WWOX: variants seen among roughly 807,000 people sequenced by gnomAD.
WWOX encodes WW domain containing oxidoreductase, also known as WW domain-containing oxidoreductase.
A neutral mutation model predicts 46.2 loss-of-function variants in WWOX; 69 were observed. That is an observed-to-expected ratio of 1.49 (90% CI 1.23 to 1.82). The LOEUF (loss-of-function observed/expected upper bound fraction) is 1.82, where lower values mean the gene tolerates loss of function less well. Ranked by LOEUF, WWOX falls within the 40% of genes most tolerant of loss-of-function variation. The pLI is 0.00. For synonymous variants in WWOX, 359 were observed against 202.6 expected, an observed-to-expected ratio of 1.77 and a Z score of -6.56; for missense variants, 919 against 542.6, an observed-to-expected ratio of 1.69 and a Z score of -6.89.
chr16:78,322,371 T>G (rs944936970), intron 5 of WWOX, among the ~76,000 whole-genome samples: 8 of 152,208 alleles, frequency 5.3e-5, no homozygotes, highest in African/African-American at 1.9e-4. Flanking sequence ...AAGTTTTTCT[T>G]AAGGAAATAG....
intron 4 of WWOX, among the ~76,000 whole-genome samples, chr16:78,149,460 A>G (rs1323064786): frequency 6.6e-6 from 1 of 152,236 alleles, no homozygotes; most frequent in African/African-American, 2.4e-5. Context: ...AATATCAAGT[A>G]AAAGAGAAGA....
At chr16:78,798,059 TCTC>T (rs2050790288) in intron 8 of WWOX, among the ~76,000 whole-genome samples, 1 of 152,118 alleles carries the variant, frequency 6.6e-6, no homozygotes, top group African/African-American at 2.4e-5. Context: ...AATCCAGTCT[TCTC>T]CTTTTGTTTC....
At chr16:78,597,598 A>G (rs2045520729) in intron 8 of WWOX, among the ~76,000 whole-genome samples, 1 of 152,090 alleles carries the variant, frequency 6.6e-6, no homozygotes. Flanking sequence ...GAAACCTTCA[A>G]ATTAACCTCA....
chr16:78,213,419 G>C (rs555332559), intron 5 of WWOX, among the ~76,000 whole-genome samples: 8 of 151,932 alleles, frequency 5.3e-5, no homozygotes, highest in Admixed American at 1.3e-4. Flanking sequence ...ATTGGTGAAA[G>C]CAAGGCAATG....
intron 6 of WWOX, among the ~76,000 whole-genome samples, chr16:78,392,499 T>C (rs554199501): frequency 1.3e-5 from 2 of 152,138 alleles, no homozygotes; most frequent in Non-Finnish European, 2.9e-5. Context: ...GTCATCTGCT[T>C]GAATCGTCCC....
At chr16:78,396,456 C>G (rs2082289734) in intron 6 of WWOX, among the ~76,000 whole-genome samples, 1 of 152,184 alleles carries the variant, frequency 6.6e-6, no homozygotes, top group Non-Finnish European at 1.5e-5. Context: ...TCACTATCAT[C>G]TTTCATGAAA....
intron 8 of WWOX, among the ~76,000 whole-genome samples, chr16:78,971,875 C>T (rs2046477652): frequency 6.6e-6 from 1 of 152,128 alleles, no homozygotes; most frequent in Admixed American, 6.5e-5. Flanking sequence ...ACCTCAGTTT[C>T]CTCATCAGCA....
rs114963538 is a variant in WWOX, at chr16:78,105,842, C to T, written c.108-2581C>T. Among the ~76,000 whole-genome samples the T allele has an allele frequency of 2.8e-3, 423 of 152,156 alleles. 4 individuals are homozygous for T. Among genetic ancestry groups the T allele is most frequent in the African/African-American group, 8.6e-3 (359 of 41,514 alleles). On this transcript the variant is annotated intron_variant, in intron 1 of 8. Coordinates refer to ENST00000566780, the MANE Select transcript of WWOX (RefSeq NM_016373.4). ...TTTTAGGTTGAGTCTTGCTTTTTCG[C>T]CCAGGCTGGACTGCAGTGGCGTGAT...
At chr16:79,035,021 ACT>A (rs1312911163) in intron 8 of WWOX, among the ~76,000 whole-genome samples, 5 of 151,960 alleles carry the variant, frequency 3.3e-5, no homozygotes, top group Admixed American at 2.6e-4. Flanking sequence ...AATATTGCTG[ACT>A]CTTTTAACTT....
chr16:78,866,539 A>G (rs1214126585), intron 8 of WWOX, among the ~76,000 whole-genome samples: 1 of 152,148 alleles, frequency 6.6e-6, no homozygotes, highest in Non-Finnish European at 1.5e-5. Context: ...AGCTATCGAT[A>G]AAAGCTAATG....
intron 8 of WWOX, among the ~76,000 whole-genome samples, chr16:78,578,253 T>TA (rs1452018487): frequency 1.9e-4 from 9 of 46,228 alleles, no homozygotes; most frequent in East Asian, 8.9e-4. Context: ...CATACCAAAT[T>TA]TTATATATAT....
chr16:79,020,301 G>A (rs191697789), intron 8 of WWOX, among the ~76,000 whole-genome samples: 9 of 152,174 alleles, frequency 5.9e-5, no homozygotes, highest in Admixed American at 5.9e-4. Context: ...TTCTTAGGGA[G>A]GTGACTTTTT....
chr16:78,199,310 CTCAAACAA>C (rs576888588), intron 5 of WWOX, among the ~76,000 whole-genome samples: 23 of 124,320 alleles, frequency 1.9e-4, no homozygotes, highest in African/African-American at 5.1e-4. Context: ...GAGACTCCAT[CTCAAACAA>C]ACAAACAAAC....
intron 8 of WWOX, among the ~76,000 whole-genome samples, chr16:78,439,284 G>T (rs575601474): frequency 5.9e-5 from 9 of 152,268 alleles, no homozygotes; most frequent in African/African-American, 9.6e-5. Flanking sequence ...CCTTTCTCTT[G>T]CCAGTCCAGA....
In WWOX at chr16:78,266,788, T is replaced by TTCTCTCTCTTTCTCTCTCTC. The variant is rs767644576; in HGVS notation, c.516+102508_516+102509insTTCTCTCTCTCTCTCTCTCT. On this transcript the variant is annotated intron_variant, in intron 5 of 8. Coordinates refer to ENST00000566780, the MANE Select transcript of WWOX (RefSeq NM_016373.4). ...GATAAATGCAAGTTCTATTCTTCTA[T>TTCTCTCTCTTTCTCTCTCTC]TCTCTCTCTCTCTCTCTCTCTCTCT... Among the ~76,000 whole-genome samples, 7 of 115,532 alleles carry TTCTCTCTCTTTCTCTCTCTC rather than the reference T, an allele frequency of 6.1e-5. 1 individual carries two copies. Among genetic ancestry groups the TTCTCTCTCTTTCTCTCTCTC allele is most frequent in the Non-Finnish European group, 1.2e-4 (7 of 56,646 alleles). 75.8% of individuals were successfully genotyped at this position (115,532 alleles called of 152,430 possible).
At chr16:78,977,547 G>A (rs1036554917) in intron 8 of WWOX, among the ~76,000 whole-genome samples, 4 of 152,136 alleles carry the variant, frequency 2.6e-5, no homozygotes, top group African/African-American at 9.7e-5. Context: ...TTGTCTGGGG[G>A]AGTCGCTTAA....
At chr16:78,322,616 C>T (rs1344287362) in intron 5 of WWOX, among the ~76,000 whole-genome samples, 2 of 152,216 alleles carry the variant, frequency 1.3e-5, no homozygotes, top group Admixed American at 6.5e-5. Context: ...TGAATTAAAT[C>T]TTCTGAAGCA....
At position 78,930,563 on chromosome 16, in the gene WWOX, TCACAGGCATAGGCTGCTGCAC is replaced by T. The variant is rs368059034; in HGVS notation, c.1057-281042_1057-281022del. Among the ~76,000 whole-genome samples, 222 of 149,590 alleles carry T rather than the reference TCACAGGCATAGGCTGCTGCAC, an allele frequency of 1.5e-3. 5 individuals are homozygous for T. Among genetic ancestry groups the T allele is most frequent in the East Asian group, 6.8e-3 (34 of 4,982 alleles). ...GCCTCAGCCTCCCAAAGTGCTGGGA[TCACAGGCATAGGCTGCTGCAC>T]CAGGCAAGGACTTTTTTTTTTTTTT... is the stretch of plus-strand genomic sequence containing the variant. On this transcript the variant is annotated intron_variant, in intron 8 of 8. Transcript: ENST00000566780.
intron 8 of WWOX, among the ~76,000 whole-genome samples, chr16:79,090,871 G>A (rs998090426): frequency 6.6e-6 from 1 of 152,168 alleles, no homozygotes; most frequent in Non-Finnish European, 1.5e-5. Context: ...TCAGCTCACT[G>A]CAACCTTTGC....
Sources: gnomAD v4.1 joint callset for allele counts (sites outside exome capture counted in the v4.1 genomes callset) on GRCh38, gnomAD v4.1.1 for gene constraint, MANE v1.5 for transcripts, NCBI Gene and HGNC (gene_info 2026-07-23, HGNC 2026-07-21) for gene names.